CAMK2D: variants seen among roughly 807,000 people sequenced by gnomAD.
CAMK2D encodes the protein calcium/calmodulin-dependent protein kinase type II subunit delta.
A neutral mutation model predicts 84.0 loss-of-function variants in CAMK2D; 37 were observed. The ratio of observed to expected loss-of-function variants is 0.44; its 90% CI spans 0.34 to 0.58. The LOEUF (loss-of-function observed/expected upper bound fraction) is 0.58, where lower values mean the gene tolerates loss of function less well. CAMK2D is among the 20% of genes least tolerant of loss of function. CAMK2D has a pLI of 0.02. For missense variants in CAMK2D, 448 were observed against 652.5 expected (o/e 0.69, Z 3.41); for synonymous variants, 202 against 212.5 (o/e 0.95, Z 0.43).
chr4:113,545,757 A>C (rs1252743398), intron 6 of CAMK2D, among the ~76,000 whole-genome samples: 1 of 152,220 alleles, frequency 6.6e-6, no homozygotes, highest in African/African-American at 2.4e-5. Flanking sequence ...AACTAAAAAA[A>C]TTATAACAAG....
chr4:113,466,952 CATTTT>C (rs1386981458), intron 16 of CAMK2D, among the ~76,000 whole-genome samples: 2 of 152,166 alleles, frequency 1.3e-5, no homozygotes, highest in Non-Finnish European at 2.9e-5. Flanking sequence ...GGGCAAAGAA[CATTTT>C]ATTTTCTTGT....
chr4:113,604,923 G>A (rs1021319860), intron 4 of CAMK2D, among the ~76,000 whole-genome samples: 5 of 152,184 alleles, frequency 3.3e-5, no homozygotes, highest in African/African-American at 1.2e-4. Flanking sequence ...AGAAGGTTTT[G>A]ACCTAACACT....
intron 3 of CAMK2D, among the ~76,000 whole-genome samples, chr4:113,614,580 T>G (rs546049983): frequency 3.5e-4 from 54 of 152,314 alleles, no homozygotes; most frequent in South Asian, 2.1e-3. Flanking sequence ...GGATAAGAGA[T>G]AATTCTGACA....
At chr4:113,641,442 AATAAG>A (rs2099131884) in intron 3 of CAMK2D, among the ~76,000 whole-genome samples, 1 of 152,216 alleles carries the variant, frequency 6.6e-6, no homozygotes, top group Admixed American at 6.5e-5. Context: ...GAGAAAATTA[AATAAG>A]ATAATTATGT....
At chr4:113,507,938 T>C (rs2098152745) in intron 13 of CAMK2D, among the ~76,000 whole-genome samples, 1 of 152,184 alleles carries the variant, frequency 6.6e-6, no homozygotes, top group Admixed American at 6.5e-5. Flanking sequence ...TGTTTGTTTG[T>C]TTTTACTGAT....
intron 4 of CAMK2D, among the ~76,000 whole-genome samples, chr4:113,560,218 T>C (rs1183368295): frequency 1.3e-5 from 2 of 151,672 alleles, no homozygotes; most frequent in African/African-American, 4.8e-5. Flanking sequence ...AGCGACTCAT[T>C]TGTTCTCACA....
chr4:113,610,084 T>A (rs989408939), intron 3 of CAMK2D, among the ~76,000 whole-genome samples: 30 of 152,118 alleles, frequency 2.0e-4, no homozygotes, highest in Admixed American at 1.3e-4. Context: ...GCTTCAGGTG[T>A]ACATGTGCAG....
At chr4:113,683,187 T>A (rs2099350586) in intron 2 of CAMK2D, among the ~76,000 whole-genome samples, 1 of 152,198 alleles carries the variant, frequency 6.6e-6, no homozygotes, top group African/African-American at 2.4e-5. Flanking sequence ...CAACTCCAGG[T>A]AATAGGCTGT....
At chr4:113,513,567 C>T (rs778115757) in intron 11 of CAMK2D, among the ~76,000 whole-genome samples, 197 bp from the exon 12 acceptor site, 1 of 152,092 alleles carries the variant, frequency 6.6e-6, no homozygotes, top group Non-Finnish European at 1.5e-5. Context: ...CCCTAGTGTG[C>T]GGGCCAGATT....
intron 17 of CAMK2D, among the ~76,000 whole-genome samples, chr4:113,462,505 T>C (rs1169163652): frequency 1.3e-5 from 2 of 152,044 alleles, no homozygotes; most frequent in African/African-American, 2.4e-5. Flanking sequence ...CATTCTACCA[T>C]CCCAAAAGCT....
intron 16 of CAMK2D, among the ~76,000 whole-genome samples, chr4:113,487,347 T>C (rs529756579): frequency 6.6e-6 from 1 of 152,206 alleles, no homozygotes; most frequent in East Asian, 1.9e-4. Context: ...AGAATCATGA[T>C]ATAGACATAT....
chr4:113,738,025 A>G (rs1253404433), intron 2 of CAMK2D, among the ~76,000 whole-genome samples: 3 of 152,124 alleles, frequency 2.0e-5, no homozygotes, highest in Non-Finnish European at 4.4e-5. Flanking sequence ...AGGTTCCCTC[A>G]TTATTTCTCA....
intron 4 of CAMK2D, among the ~76,000 whole-genome samples, chr4:113,564,990 A>C (rs1591302951): frequency 6.6e-6 from 1 of 152,372 alleles, no homozygotes; most frequent in East Asian, 1.9e-4. Flanking sequence ...CAAAGCATAC[A>C]TGCTTGGCTA....
chr4:113,705,030 C>T (rs6533711), intron 2 of CAMK2D, among the ~76,000 whole-genome samples: 104,624 of 151,594 alleles, frequency 0.69, 36,702 homozygotes, highest in African/African-American at 0.8. Context: ...TCCAGAAATA[C>T]CTCTTCCTCC....
At chr4:113,623,130 C>A (rs749724928) in intron 3 of CAMK2D, among the ~76,000 whole-genome samples, 1 of 152,040 alleles carries the variant, frequency 6.6e-6, no homozygotes, top group Non-Finnish European at 1.5e-5. Context: ...AAAGGTTATA[C>A]CCTTGTTGCC....
chr4:113,747,457 T>A (rs1425493631), intron 2 of CAMK2D, among the ~76,000 whole-genome samples: 1 of 152,058 alleles, frequency 6.6e-6, no homozygotes, highest in African/African-American at 2.4e-5. Context: ...CTGTGGTGGG[T>A]GCCAAACACT....
At chr4:113,520,923 G>C (rs1292003488) in intron 8 of CAMK2D, among the ~76,000 whole-genome samples, 3 of 152,132 alleles carry the variant, frequency 2.0e-5, no homozygotes, top group African/African-American at 7.2e-5. Flanking sequence ...CAGCCACTTG[G>C]GAGGCTGAGG....
chr4:113,634,915 C>T (rs906845743), intron 3 of CAMK2D, among the ~76,000 whole-genome samples: 1 of 152,118 alleles, frequency 6.6e-6, no homozygotes, highest in Non-Finnish European at 1.5e-5. Flanking sequence ...ACTCTCTTTA[C>T]CTAAAATATG....
chr4:113,510,135 T>C (rs986251086), intron 12 of CAMK2D, among the ~76,000 whole-genome samples: 3 of 152,228 alleles, frequency 2.0e-5, no homozygotes, highest in African/African-American at 7.2e-5. Flanking sequence ...AAAATTCATT[T>C]GTAAAATTTG....
Sources: gnomAD v4.1 joint callset for allele counts (sites outside exome capture counted in the v4.1 genomes callset) on GRCh38, gnomAD v4.1.1 for gene constraint, MANE v1.5 for transcripts, NCBI Gene and HGNC (gene_info 2026-07-23, HGNC 2026-07-21) for gene names.